The following NRXN3 variants were observed in gnomAD, a reference collection of about 807,000 sequenced individuals.
NRXN3 encodes the protein neurexin III.
NRXN3 carries 32 observed loss-of-function variants against 137.6 expected under a neutral mutation model. The observed-to-expected ratio is 0.23, with a 90% CI of 0.18 to 0.31. The LOEUF (loss-of-function observed/expected upper bound fraction) is 0.31, where lower values mean the gene tolerates loss of function less well. Among genes scored for constraint, NRXN3 ranks in the 10% least tolerant of loss-of-function variants. The pLI is 1.00. For missense variants in NRXN3, 1,574 were observed against 2,062.5 expected (o/e 0.76, Z 4.59); for synonymous variants, 798 against 784.5 (o/e 1.02, Z -0.29).
At chr14:79,357,803 CAT>C (rs1429241855) in intron 15 of NRXN3, among the ~76,000 whole-genome samples, 1 of 152,196 alleles carries the variant, frequency 6.6e-6, no homozygotes, top group East Asian at 1.9e-4. Flanking sequence ...GAATGCCACT[CAT>C]AGAATTGACA....
At chr14:79,673,938 C>T (rs867575432) in intron 17 of NRXN3, among the ~76,000 whole-genome samples, 2 of 152,026 alleles carry the variant, frequency 1.3e-5, no homozygotes, top group African/African-American at 4.8e-5. Context: ...ACATGAATAC[C>T]TGGAACTGAA....
chr14:78,286,651 G>T (rs1007368802), intron 3 of NRXN3, among the ~76,000 whole-genome samples: 11 of 152,188 alleles, frequency 7.2e-5, no homozygotes, highest in African/African-American at 2.7e-4. Context: ...GCACTGGGCA[G>T]GTGGTCCGCT....
chr14:79,013,688 A>G (rs1224470787), intron 15 of NRXN3, among the ~76,000 whole-genome samples: 1 of 152,218 alleles, frequency 6.6e-6, no homozygotes. Flanking sequence ...TGAAATCAAC[A>G]CTTTGTTAAT....
intron 15 of NRXN3, among the ~76,000 whole-genome samples, chr14:79,185,287 A>T (rs958976980): frequency 3.3e-5 from 5 of 152,172 alleles, no homozygotes; most frequent in Non-Finnish European, 7.3e-5. Context: ...CATCTTCTTC[A>T]TGTGAAATCC....
intron 4 of NRXN3, among the ~76,000 whole-genome samples, chr14:78,413,413 G>A (rs998485146): frequency 7.2e-5 from 11 of 152,316 alleles, no homozygotes; most frequent in Admixed American, 2.6e-4. Context: ...AGCTGCTGGA[G>A]TAGCTGGGAT....
chr14:79,591,722 C>T (rs936597048), intron 16 of NRXN3, among the ~76,000 whole-genome samples: 6 of 152,080 alleles, frequency 3.9e-5, no homozygotes, highest in African/African-American at 1.4e-4. Context: ...AATTCTAACT[C>T]AATATTTTAA....
At chr14:79,518,185 G>A (rs905278254) in intron 16 of NRXN3, among the ~76,000 whole-genome samples, 3 of 151,896 alleles carry the variant, frequency 2.0e-5, no homozygotes, top group Admixed American at 6.6e-5. Context: ...GATTACAGGC[G>A]TGAGCCACGG....
chr14:79,554,488 C>T (rs546405011), intron 16 of NRXN3, among the ~76,000 whole-genome samples: 24 of 152,238 alleles, frequency 1.6e-4, no homozygotes, highest in African/African-American at 4.8e-4. Flanking sequence ...AGTAGAATCT[C>T]CACACTTATT....
At chr14:78,185,143 G>A (rs1001019552) in intron 1 of NRXN3, among the ~76,000 whole-genome samples, 9 of 152,198 alleles carry the variant, frequency 5.9e-5, no homozygotes, top group Non-Finnish European at 1.3e-4. Flanking sequence ...TTAGTGCTAG[G>A]AATACAGAGA....
chr14:79,376,265 T>TATATATATAC (rs1566950685), intron 15 of NRXN3, among the ~76,000 whole-genome samples: 2 of 72,704 alleles, frequency 2.8e-5, no homozygotes, highest in African/African-American at 8.8e-5. Context: ...TATATATATA[T>TATATATATAC]ACACATACAT....
chr14:78,939,927 C>T (rs2099349793), intron 10 of NRXN3, among the ~76,000 whole-genome samples: 1 of 152,174 alleles, frequency 6.6e-6, no homozygotes, highest in African/African-American at 2.4e-5. Context: ...AAGTTCCATC[C>T]AACTTTTTGT....
chr14:78,541,899 T>A (rs1394555328), intron 4 of NRXN3, among the ~76,000 whole-genome samples: 1 of 152,224 alleles, frequency 6.6e-6, no homozygotes. Context: ...CTATTGGAGT[T>A]TGCTGGAGGT....
intron 15 of NRXN3, among the ~76,000 whole-genome samples, chr14:79,090,092 A>T (rs957003323): frequency 1.3e-5 from 2 of 152,172 alleles, no homozygotes; most frequent in Non-Finnish European, 2.9e-5. Context: ...TATCAATTTT[A>T]TAGAGGACTG....
At chr14:79,730,330 C>A (rs111546234) in intron 19 of NRXN3, among the ~76,000 whole-genome samples, 1 of 152,154 alleles carries the variant, frequency 6.6e-6, no homozygotes, top group African/African-American at 2.4e-5. Context: ...CCTGGGCAAG[C>A]CCCCTCCCAC....
chr14:78,565,320 C>A (rs1185494249), intron 4 of NRXN3, among the ~76,000 whole-genome samples: 1 of 152,190 alleles, frequency 6.6e-6, no homozygotes, highest in Non-Finnish European at 1.5e-5. Context: ...ACCAGGATTT[C>A]TCAGAAGCTC....
chr14:78,687,995 C>G (rs1045794817), intron 6 of NRXN3, among the ~76,000 whole-genome samples: 6 of 152,180 alleles, frequency 3.9e-5, no homozygotes, highest in Non-Finnish European at 4.4e-5. Context: ...AAGGAATGAG[C>G]TGGGGGGATG....
At chr14:79,226,205 G>A (rs1031231976) in intron 15 of NRXN3, among the ~76,000 whole-genome samples, 5 of 152,148 alleles carry the variant, frequency 3.3e-5, no homozygotes, top group African/African-American at 1.2e-4. Context: ...AACTGTGAGA[G>A]GGGAAACAGC....
At position 78,966,101 on chromosome 14, in the gene NRXN3, C is replaced by T; in HGVS notation, c.2472C>T (p.Ile824=). The T allele has an allele frequency of 6.2e-7, 1 of 1,614,194 alleles. No individual in the cohort carries two copies. The highest frequency in any genetic ancestry group is 8.5e-7 in the Non-Finnish European group (1 of 1,180,020). The change falls in exon 12 of 21, where the codon ATC becomes ATT. Residue 824 remains isoleucine (I), a synonymous_variant. Coordinates refer to ENST00000335750, the MANE Select transcript of NRXN3 (RefSeq NM_001330195.2). Reference sequence around the variant, plus strand: ...GAATCATGACTGAGAAACGCTACATCTCCGTTGTCCCCTCCAGCTTTATTG... The same window carrying T: ...GAATCATGACTGAGAAACGCTACATTTCCGTTGTCCCCTCCAGCTTTATTG... The part of the protein sequence containing the change: ...ETGIMTEKRY[I]SVVPSSFIGH...
chr14:79,672,175 A>G (rs1221960401), intron 17 of NRXN3, among the ~76,000 whole-genome samples: 1 of 152,100 alleles, frequency 6.6e-6, no homozygotes, highest in African/African-American at 2.4e-5. Flanking sequence ...TAGGATGCAC[A>G]TTTACATTTT....
Sources: gnomAD v4.1 joint callset for allele counts (sites outside exome capture counted in the v4.1 genomes callset) on GRCh38, gnomAD v4.1.1 for gene constraint, MANE v1.5 for transcripts, NCBI Gene and HGNC (gene_info 2026-07-23, HGNC 2026-07-21) for gene names.